The following SYNJ2 variants were observed in gnomAD, a reference collection of about 807,000 sequenced individuals.
The protein encoded by SYNJ2 is polyphosphatidylinositol phosphatase SYNJ2.
SYNJ2 carries 116 observed loss-of-function variants against 141.3 expected under a neutral mutation model. The observed-to-expected ratio is 0.82, with a 90% CI of 0.71 to 0.96. The LOEUF (loss-of-function observed/expected upper bound fraction) is 0.96, where lower values mean the gene tolerates loss of function less well. SYNJ2 is among the 40% of genes least tolerant of loss of function. SYNJ2 has a pLI of 0.00. For missense variants in SYNJ2, 1,873 were observed against 1,934.8 expected (o/e 0.97, Z 0.60); for synonymous variants, 745 against 777.7 (o/e 0.96, Z 0.70).
At chr6:157,996,327 C>T (rs924984557) in intron 1 of SYNJ2, among the ~76,000 whole-genome samples, 1 of 152,130 alleles carries the variant, frequency 6.6e-6, no homozygotes, top group African/African-American at 2.4e-5. Flanking sequence ...GCTGCTACAT[C>T]GAGAGTGCAG....
At chr6:158,080,052 A>C (rs1782573849) in intron 18 of SYNJ2, among the ~76,000 whole-genome samples, 1 of 152,230 alleles carries the variant, frequency 6.6e-6, no homozygotes, top group Admixed American at 6.5e-5. Context: ...TCCCTGTGTC[A>C]GAATTACTAT....
chr6:158,081,753 C>T (rs947694195), intron 20 of SYNJ2, among the ~76,000 whole-genome samples: 1 of 151,646 alleles, frequency 6.6e-6, no homozygotes, highest in Non-Finnish European at 1.5e-5. Context: ...TCTCAAGTAG[C>T]TGGGACCGCA....
At chr6:158,023,264 T>A (rs12191435) in intron 2 of SYNJ2, among the ~76,000 whole-genome samples, 1,740 of 125,346 alleles carry the variant, frequency 0.014, 18 homozygotes, top group Non-Finnish European at 0.018. Context: ...TCTCTAAATT[T>A]AAAAAAAAAA....
In SYNJ2 at chr6:158,096,381, G is replaced by T. The variant is rs1776242586; in HGVS notation, c.*17G>T. On this transcript the variant is annotated 3_prime_UTR_variant, in exon 27 of 27. Transcript: ENST00000355585. Reference sequence around the variant, plus strand: ...AAAACATGACTGAGCAGCTTTGAAGGCTGCAGTCCTATAGAATGCATACCT... The same window carrying T: ...AAAACATGACTGAGCAGCTTTGAAGTCTGCAGTCCTATAGAATGCATACCT... The T allele has an allele frequency of 5.1e-6, 8 of 1,581,042 alleles. No homozygotes were observed. The highest frequency in any genetic ancestry group is 6.9e-6 in the Non-Finnish European group (8 of 1,167,470).
chr6:157,996,568 A>G (rs1777640933), intron 1 of SYNJ2, among the ~76,000 whole-genome samples: 1 of 151,966 alleles, frequency 6.6e-6, no homozygotes, highest in Non-Finnish European at 1.5e-5. Context: ...TCCCTCCCCC[A>G]GGTGATATGG....
intron 25 of SYNJ2, among the ~76,000 whole-genome samples, chr6:158,091,751 T>TAAAAA (rs35408343): frequency 9.9e-6 from 1 of 101,036 alleles, no homozygotes. Context: ...CTCTGTCTCA[T>TAAAAA]AAAAAAAAAA....
At chr6:158,082,158 C>T (rs918980133) in intron 20 of SYNJ2, among the ~76,000 whole-genome samples, 1 of 152,130 alleles carries the variant, frequency 6.6e-6, no homozygotes, top group African/African-American at 2.4e-5. Context: ...ACCAGCCTGG[C>T]CAACATGGCG....
At chr6:158,053,135 C>T (rs1369256287) in intron 5 of SYNJ2, among the ~76,000 whole-genome samples, 2 of 152,168 alleles carry the variant, frequency 1.3e-5, no homozygotes, top group African/African-American at 4.8e-5. Flanking sequence ...GTGTATGGAT[C>T]CCTGACCAGA....
At chr6:158,039,765 G>A (rs1208054765) in intron 4 of SYNJ2, among the ~76,000 whole-genome samples, 1 of 143,942 alleles carries the variant, frequency 6.9e-6, no homozygotes, top group Non-Finnish European at 1.5e-5. Flanking sequence ...GCCCCAGGGT[G>A]CAGGGAGCAA....
In SYNJ2 at chr6:158,062,151, A is replaced by G. The variant is rs1420147964; in HGVS notation, c.1114A>G (p.Asn372Asp). 6.2e-7 allele frequency: 1 copy of G among 1,613,640 alleles called. No homozygotes were observed. Among genetic ancestry groups the G allele is most frequent in the East Asian group, 2.2e-5 (1 of 44,858 alleles). Residue 372 changes from asparagine to aspartate, a missense_variant, in exon 8 of 27, where the codon AAC becomes GAC. Transcript: ENST00000355585. ...CTTCGATGTGTTCACAAAGGGGGAG[A>G]ACGTCAGTCCACGGTGAGGCTCGCT... Reference protein sequence around the residue: ...EDFDVFTKGENVSPRFQKGTL... With the variant: ...EDFDVFTKGEDVSPRFQKGTL...
chr6:158,025,318 A>T (rs1778983250), intron 2 of SYNJ2, among the ~76,000 whole-genome samples: 1 of 152,188 alleles, frequency 6.6e-6, no homozygotes, highest in African/African-American at 2.4e-5. Flanking sequence ...GTACTTCAGC[A>T]TATTAACTTG....
At chr6:157,996,532 G>A (rs1485382584) in intron 1 of SYNJ2, among the ~76,000 whole-genome samples, 1 of 152,104 alleles carries the variant, frequency 6.6e-6, no homozygotes, top group Non-Finnish European at 1.5e-5. Context: ...TTCCTGCTCA[G>A]AATCTTCACA....
intron 11 of SYNJ2, 125 bp from the exon 12 acceptor site, chr6:158,066,319 T>A: frequency 9.2e-7 from 1 of 1,086,000 alleles, no homozygotes; most frequent in Non-Finnish European, 1.3e-6. Flanking sequence ...GTAAGGAGCA[T>A]ACCCTGGTTT....
In SYNJ2 at chr6:158,093,022, C is replaced by T; in HGVS notation, c.3662C>T (p.Pro1221Leu). 1 of 1,613,070 alleles carries T rather than the reference C, an allele frequency of 6.2e-7. No homozygotes were observed. Reference sequence around the variant, plus strand: ...CCGGGGGCAGCCAAACCAGAGACCCCACAGGCGCCCCCACTCCTTCCCCGT... The same window carrying T: ...CCGGGGGCAGCCAAACCAGAGACCCTACAGGCGCCCCCACTCCTTCCCCGT... Reference protein sequence around the residue: ...PTPGAAKPETPQAPPLLPRRP... With the variant: ...PTPGAAKPETLQAPPLLPRRP... Residue 1221 changes from proline to leucine, a missense_variant, in exon 26 of 27, where the codon CCA becomes CTA. Physicochemically the swap from Pro to Leu is moderately conservative, Grantham distance 98. Coordinates refer to ENST00000355585, the MANE Select transcript of SYNJ2 (RefSeq NM_003898.4).
chr6:158,038,865 G>A lies in SYNJ2; in HGVS notation c.712-4451G>A, dbSNP rs576785855. On this transcript the variant is annotated intron_variant, in intron 4 of 26. Transcript: ENST00000355585. Reference sequence around the variant, plus strand: ...CAGCAGAGCCAGGGCAGGGAGAAGCGTGTGCTGCGCGCAGCCCAGGAAGGA... The same window carrying A: ...CAGCAGAGCCAGGGCAGGGAGAAGCATGTGCTGCGCGCAGCCCAGGAAGGA... 2.0e-5 allele frequency among the ~76,000 whole-genome samples: 3 copies of A among 152,228 alleles called. No homozygotes were observed. The South Asian group carries it at 6.2e-4, about 32-fold the overall frequency.
rs201304330 is a variant in SYNJ2, at chr6:158,081,167, A to C, written c.2626A>C (p.Arg876=). ...GGAAGTCGATGTGGGTGCTCGGGAGAGGGTTTTCCAGGAAGTGTCCTCCTT... is the reference window on the plus strand; with the variant it reads ...GGAAGTCGATGTGGGTGCTCGGGAGCGGGTTTTCCAGGAAGTGTCCTCCTT... ...VQEVDVGARE[R]VFQEVSSFQG... The change falls in exon 19 of 27, where the codon AGG becomes CGG. Residue 876 remains arginine (R), a synonymous_variant. Coordinates refer to ENST00000355585, the MANE Select transcript of SYNJ2 (RefSeq NM_003898.4). 2 of 1,613,918 alleles carry C rather than the reference A, an allele frequency of 1.2e-6. No individual in the cohort carries two copies. Among genetic ancestry groups the C allele is most frequent in the Non-Finnish European group, 1.7e-6 (2 of 1,179,946 alleles).
At chr6:158,065,889 C>G (rs1200377782) in intron 11 of SYNJ2, among the ~76,000 whole-genome samples, 1 of 152,194 alleles carries the variant, frequency 6.6e-6, no homozygotes, top group Non-Finnish European at 1.5e-5. Context: ...TATATTTTGG[C>G]TATCTAGAGG....
Position 158,095,848 on chromosome 6 carries a change from GC to G in SYNJ2, c.3977del (p.Pro1326ArgfsTer75). On this transcript the variant is annotated frameshift_variant, in exon 27 of 27. Coordinates refer to ENST00000355585, the MANE Select transcript of SYNJ2 (RefSeq NM_003898.4). LOFTEE classifies it low-confidence loss of function (END_TRUNC). ...CCTCTGTGCCACCACCTCTGGAGGC[GC>G]CGCCTCTTGTGCCCAAGGTACCCCC... ...GASVPPPLEA[P>X]PLVPKVPPRR... 6.2e-7 allele frequency: 1 copy of G among 1,614,064 alleles called. No individual in the cohort carries two copies. The highest frequency in any genetic ancestry group is 8.5e-7 in the Non-Finnish European group (1 of 1,179,974).
chr6:158,074,548 G>T, intron 15 of SYNJ2, 32 bp from the exon 16 acceptor site: 2 of 1,602,708 alleles, frequency 1.2e-6, no homozygotes, highest in South Asian at 2.2e-5. Context: ...TGCAAGATGG[G>T]CTGAATGATT....
Sources: gnomAD v4.1 joint callset for allele counts (sites outside exome capture counted in the v4.1 genomes callset) on GRCh38, gnomAD v4.1.1 for gene constraint, MANE v1.5 for transcripts, NCBI Gene and HGNC (gene_info 2026-07-23, HGNC 2026-07-21) for gene names.